DNMT3B: variants seen among roughly 807,000 people sequenced by gnomAD.
DNMT3B encodes the protein DNA methyltransferase 3 beta, also known as DNA (cytosine-5)-methyltransferase 3B.
DNMT3B carries 37 observed loss-of-function variants against 120.2 expected under a neutral mutation model. The observed-to-expected ratio is 0.31, with a 90% CI of 0.24 to 0.40. The LOEUF (loss-of-function observed/expected upper bound fraction) is 0.40. DNMT3B is among the 10% of genes least tolerant of loss of function. The pLI is 1.00. For synonymous variants in DNMT3B, 412 were observed against 442.8 expected, an observed-to-expected ratio of 0.93 and a Z score of 0.87; for missense variants, 878 against 1,137.3, an observed-to-expected ratio of 0.77 and a Z score of 3.28.
intron 5 of DNMT3B, among the ~76,000 whole-genome samples, chr20:32,786,963 GT>G (rs1402823825): frequency 2.0e-5 from 3 of 152,120 alleles, no homozygotes; most frequent in Non-Finnish European, 4.4e-5. Context: ...ACCCTAGCGG[GT>G]ATGGCAACAT....
chr20:32,788,408 A>G (rs1341490699), intron 6 of DNMT3B, among the ~76,000 whole-genome samples: 1 of 152,178 alleles, frequency 6.6e-6, no homozygotes, highest in East Asian at 1.9e-4. Flanking sequence ...TGCTGCACGA[A>G]GACTCCTTAC....
rs998466867 is a variant in DNMT3B, at chr20:32,796,654, G to C, written c.1298-136G>C. 5 of 879,864 alleles carry C rather than the reference G, an allele frequency of 5.7e-6. No individual in the cohort carries two copies. In the African/African-American group the frequency reaches 8.2e-5, roughly 14 times the overall value. 54.5% of individuals were successfully genotyped at this position (879,864 alleles called of 1,614,324 possible). A position where few individuals can be genotyped will look rare whatever the true frequency, so the allele number is the denominator to read the frequency against. ...ATTGTTGAGTGGTAGAAGCTGTGAGGCATGGCCTGAGGTGCAAAGAGTCCT... is the reference window on the plus strand; with the variant it reads ...ATTGTTGAGTGGTAGAAGCTGTGAGCCATGGCCTGAGGTGCAAAGAGTCCT... On this transcript the variant is annotated intron_variant, in intron 12 of 22. Coordinates refer to ENST00000328111, the MANE Select transcript of DNMT3B (RefSeq NM_006892.4).
At chr20:32,765,345 C>T (rs1004591420) in intron 1 of DNMT3B, among the ~76,000 whole-genome samples, 1 of 151,356 alleles carries the variant, frequency 6.6e-6, no homozygotes, top group African/African-American at 2.4e-5. Flanking sequence ...GACCCTTTTA[C>T]AGGTGATAGA....
chr20:32,801,581 G>A (rs1981345973), intron 19 of DNMT3B, among the ~76,000 whole-genome samples, 155 bp downstream of exon 19: 1 of 152,126 alleles, frequency 6.6e-6, no homozygotes, highest in African/African-American at 2.4e-5. Context: ...GGTTCTCTTA[G>A]TACATGGAAA....
In DNMT3B at chr20:32,792,611, ACT is replaced by A. The variant is rs1980108024; in HGVS notation, c.922-12_922-11del. The A allele has an allele frequency of 6.2e-7, 1 of 1,613,688 alleles. No homozygotes were observed. On this transcript the variant is annotated splice_polypyrimidine_tract_variant and intron_variant, in intron 8 of 22. Coordinates refer to ENST00000328111, the MANE Select transcript of DNMT3B (RefSeq NM_006892.4). ...CTCCCCACCCCCCCATTCATCACAG[ACT>A]CTGCCTTTGCAGAAAGCTAGGGTGC...
At chr20:32,805,263 C>A (rs1344113351) in intron 20 of DNMT3B, 75 bp from the exon 21 acceptor site, 29 of 1,560,430 alleles carry the variant, frequency 1.9e-5, no homozygotes, top group Non-Finnish European at 1.6e-5. Context: ...GCAACATAGA[C>A]CCTCACTCCC....
At chr20:32,806,075 C>T in intron 21 of DNMT3B, 134 bp from the exon 22 acceptor site, 1 of 849,406 alleles carries the variant, frequency 1.2e-6, no homozygotes, top group Non-Finnish European at 2.0e-6. Flanking sequence ...TTCCCAGGTA[C>T]TTTTCTCTCC....
At chr20:32,791,183 G>T (rs1217451617) in intron 7 of DNMT3B, among the ~76,000 whole-genome samples, 1 of 152,210 alleles carries the variant, frequency 6.6e-6, no homozygotes, top group East Asian at 1.9e-4. Context: ...AAAGGGTAAA[G>T]AGTAAACAAT....
chr20:32,786,901 T>C (rs1300723910), intron 5 of DNMT3B, among the ~76,000 whole-genome samples: 1 of 152,242 alleles, frequency 6.6e-6, no homozygotes, highest in Non-Finnish European at 1.5e-5. Flanking sequence ...TAGAAAACAC[T>C]GACATCCAGA....
Position 32,780,321 on chromosome 20 carries a change from A to G in DNMT3B, c.-3A>G. 6.2e-7 allele frequency: 1 copy of G among 1,613,988 alleles called. No individual in the cohort carries two copies. The highest frequency in any genetic ancestry group is 8.5e-7 in the Non-Finnish European group (1 of 1,180,016). On this transcript the variant is annotated 5_prime_UTR_variant, in exon 2 of 23. Coordinates refer to ENST00000328111, the MANE Select transcript of DNMT3B (RefSeq NM_006892.4). ...CCCATTCTGGCTTCTCCCACAGGAA[A>G]GCATGAAGGGAGACACCAGGCATCT... is the stretch of plus-strand genomic sequence containing the variant.
intron 1 of DNMT3B, chr20:32,780,011 G>A: frequency 6.8e-7 from 1 of 1,462,494 alleles, no homozygotes; most frequent in Non-Finnish European, 9.4e-7. Context: ...ATTGTTTGAA[G>A]GGGCCGGCTA....
At chr20:32,805,298 C>G (rs750678912) in intron 20 of DNMT3B, 40 bp from the exon 21 acceptor site, 1 of 1,613,838 alleles carries the variant, frequency 6.2e-7, no homozygotes, top group South Asian at 1.1e-5. Flanking sequence ...AGAGGACCCT[C>G]TATAGCTAGT....
Position 32,800,145 on chromosome 20 carries a change from C to G in DNMT3B, c.1760-8C>G, listed in dbSNP as rs2424926. The G allele has an allele frequency of 3.6e-3, 5,852 of 1,614,128 alleles. 149 individuals are homozygous for G. The African/African-American group carries it at 0.064, about 18-fold the overall frequency. On this transcript the variant is annotated splice_polypyrimidine_tract_variant and splice_region_variant and intron_variant, in intron 16 of 22. Transcript: ENST00000328111. Reference sequence around the variant, plus strand: ...ATTTATGCTTCTGTGTCTCTCTGGCCCCCACAGGCTACCTAGTCCTCAAAG... The same window carrying G: ...ATTTATGCTTCTGTGTCTCTCTGGCGCCCACAGGCTACCTAGTCCTCAAAG...
chr20:32,783,383 C>G (rs187239933), intron 3 of DNMT3B, among the ~76,000 whole-genome samples: 5 of 152,180 alleles, frequency 3.3e-5, no homozygotes, highest in African/African-American at 1.2e-4. Context: ...AAGCTTTCTA[C>G]TTCATTTACT....
chr20:32,790,890 G>A (rs918318410), intron 7 of DNMT3B, among the ~76,000 whole-genome samples: 1 of 152,112 alleles, frequency 6.6e-6, no homozygotes, highest in Non-Finnish European at 1.5e-5. Context: ...TCGAACTCCT[G>A]GGCTCAAGCG....
chr20:32,786,666 C>A, intron 5 of DNMT3B, 39 bp downstream of exon 5: 1 of 1,612,794 alleles, frequency 6.2e-7, no homozygotes, highest in African/African-American at 1.3e-5. Flanking sequence ...CCCGCAGTCT[C>A]TAACTGGGAG....
intron 12 of DNMT3B, 98 bp downstream of exon 12, chr20:32,795,792 G>C: frequency 2.0e-6 from 3 of 1,516,396 alleles, no homozygotes; most frequent in Non-Finnish European, 2.7e-6. Flanking sequence ...GTTTAACCCA[G>C]AGCTCTGTTC....
Position 32,780,461 on chromosome 20 carries a change from C to T in DNMT3B, c.138C>T (p.Ile46=). 5.6e-6 allele frequency: 9 copies of T among 1,612,628 alleles called. No homozygotes were observed. The highest frequency in any genetic ancestry group is 7.6e-6 in the Non-Finnish European group (9 of 1,179,970). The change falls in exon 2 of 23, where the codon ATC becomes ATT. Residue 46 remains isoleucine (I), a synonymous_variant. Coordinates refer to ENST00000328111, the MANE Select transcript of DNMT3B (RefSeq NM_006892.4). ...PILEAIRTPE[I]RGRRSSSRLS... Reference sequence around the variant, plus strand: ...TGGAGGCTATCCGCACCCCGGAGATCAGAGGTGGCTGGGCAGTGGGGACTG... The same window carrying T: ...TGGAGGCTATCCGCACCCCGGAGATTAGAGGTGGCTGGGCAGTGGGGACTG...
rs191365747 is a variant in DNMT3B, at chr20:32,795,351, C to T, written c.1127-58C>T. 137 of 1,611,978 alleles carry T rather than the reference C, an allele frequency of 8.5e-5. No individual in the cohort carries two copies. The African/African-American group carries it at 1.7e-3, about 19-fold the overall frequency. On this transcript the variant is annotated intron_variant, in intron 10 of 22. Transcript: ENST00000328111. ...GCATAGCATGGTCTTGTCCTGGGCC[C>T]GCATTCTCTCTGGACCCTCCTACCA... is the stretch of plus-strand genomic sequence containing the variant.
Sources: allele counts gnomAD v4.1 joint callset (sites outside exome capture counted in the v4.1 genomes callset), GRCh38; gene constraint gnomAD v4.1.1; transcripts MANE v1.5; gene names NCBI Gene and HGNC (gene_info 2026-07-23, HGNC 2026-07-21).